Variants in TMEM63B observed in about 807,000 individuals in gnomAD.
The protein encoded by TMEM63B is transmembrane protein 63B, also known as mechanosensitive cation channel TMEM63B.
Under a neutral mutation model 102.6 loss-of-function variants are expected in TMEM63B, and 23 were observed. The ratio of observed to expected loss-of-function variants is 0.22; its 90% confidence interval spans 0.16 to 0.32. TMEM63B has a LOEUF of 0.32. Ranked by LOEUF, TMEM63B falls within the 10% of genes least tolerant of loss-of-function variation. The pLI, the probability that TMEM63B is intolerant of heterozygous loss-of-function variation, is 1.00. For synonymous variants in TMEM63B, 444 were observed against 437.0 expected, an observed-to-expected ratio of 1.02 and a Z score of -0.20; for missense variants, 628 against 1,095.9, an observed-to-expected ratio of 0.57 and a Z score of 6.03.
chr6:44,152,765 T>G lies in TMEM63B; in HGVS notation c.1942+67T>G. On this transcript the variant is annotated intron_variant, in intron 20 of 23. Transcript: ENST00000323267. This position sits in a 1 kb window ranked among gnomAD's most constrained non-coding sequence, Gnocchi z 6.4. Reference sequence around the variant, plus strand: ...ACCCAGGACTTCACCCTCTCCACTCTAGGAATGCAGGCCACCCCGAGTGGA... The same window carrying G: ...ACCCAGGACTTCACCCTCTCCACTCGAGGAATGCAGGCCACCCCGAGTGGA... The G allele has an allele frequency of 1.5e-6, 2 of 1,356,108 alleles. No homozygotes were observed. Among genetic ancestry groups the G allele is most frequent in the Non-Finnish European group, 2.1e-6 (2 of 964,844 alleles). The allele number at this position is 1,356,108 out of a possible 1,614,324, so 84.0% of individuals were successfully genotyped here.
chr6:44,147,274 C>G (rs1765613344), intron 11 of TMEM63B, 103 bp from the exon 12 acceptor site: 1 of 1,577,566 alleles, frequency 6.3e-7, no homozygotes, highest in Non-Finnish European at 8.7e-7. Flanking sequence ...GTATCCTAAA[C>G]AAGAACAAGA....
intron 1 of TMEM63B, among the ~76,000 whole-genome samples, chr6:44,130,147 C>T (rs1002796270): frequency 2.0e-5 from 3 of 152,184 alleles, no homozygotes; most frequent in Admixed American, 6.5e-5. Flanking sequence ...CCTCCGGCTC[C>T]CTGGTGGAAG....
At chr6:44,138,624 C>T (rs985593928) in intron 6 of TMEM63B, 107 bp downstream of exon 6, 35 of 1,325,634 alleles carry the variant, frequency 2.6e-5, no homozygotes, top group South Asian at 8.2e-5. Flanking sequence ...GCACTCCTCG[C>T]CAGCACAGCA....
In TMEM63B at chr6:44,136,577, C is replaced by T. The variant is rs570883285; in HGVS notation, c.369+138C>T. ...TCCTCAGCAAAGAAAGTGATTCAAC[C>T]AAGGAGCCACAGGATGACCCCCCAG... On this transcript the variant is annotated intron_variant, in intron 5 of 23. Transcript: ENST00000323267. 9.0e-6 allele frequency: 6 copies of T among 667,478 alleles called. No individual in the cohort carries two copies. In the East Asian group the frequency reaches 1.4e-4, roughly 15 times the overall value. The allele number at this position is 667,478 out of a possible 1,614,324, so 41.3% of individuals were successfully genotyped here.
At chr6:44,138,778 G>T (rs1012357485) in intron 6 of TMEM63B, 104 of 396,076 alleles carry the variant, frequency 2.6e-4, no homozygotes, top group Admixed American at 8.0e-5. Context: ...CTTGAGGGAG[G>T]GGGTGGAGCC....
At chr6:44,131,684 A>C (rs1778307191) in intron 1 of TMEM63B, among the ~76,000 whole-genome samples, 1 of 151,950 alleles carries the variant, frequency 6.6e-6, no homozygotes, top group East Asian at 1.9e-4. Flanking sequence ...GCGCCACTGC[A>C]CTCCACTCTG....
In TMEM63B at chr6:44,139,575, C is replaced by T. The variant is rs1298700447; in HGVS notation, c.516C>T (p.Ile172=). ...TTGTGGGCGTCCTCTCCGTAGGCAT[C>T]GTGCTGCCTGTCAACTTCTCAGGGG... ...LVVVGVLSVG[I]VLPVNFSGDL... is the part of the protein sequence containing the mutation. Residue 172 remains isoleucine (I), a synonymous_variant, in exon 7 of 24, where the codon ATC becomes ATT. Coordinates refer to ENST00000323267, the MANE Select transcript of TMEM63B (RefSeq NM_018426.3). 23 of 1,614,092 alleles carry T rather than the reference C, an allele frequency of 1.4e-5. No individual in the cohort carries two copies. The highest frequency in any genetic ancestry group is 4.0e-5 in the African/African-American group (3 of 74,926).
intron 2 of TMEM63B, 110 bp from the exon 3 acceptor site, chr6:44,134,907 C>A: frequency 6.7e-7 from 1 of 1,494,056 alleles, no homozygotes; most frequent in Non-Finnish European, 9.2e-7. Flanking sequence ...TTCACCCAAG[C>A]CAGGGTCATC....
Position 44,150,117 on chromosome 6 carries a change from G to A in TMEM63B, c.1521-107G>A. On this transcript the variant is annotated intron_variant, in intron 16 of 23. Coordinates refer to ENST00000323267, the MANE Select transcript of TMEM63B (RefSeq NM_018426.3). This position sits in a 1 kb window ranked among gnomAD's most constrained non-coding sequence, Gnocchi z 4.7. Reference sequence around the variant, plus strand: ...GTGCCCAGCACCCTCACCTTGGGAGGCCCACCCTTCCCAGGGGACACTCCT... The same window carrying A: ...GTGCCCAGCACCCTCACCTTGGGAGACCCACCCTTCCCAGGGGACACTCCT... 1 of 1,357,152 alleles carries A rather than the reference G, an allele frequency of 7.4e-7. No individual in the cohort carries two copies. 84.1% of individuals were successfully genotyped at this position (1,357,152 alleles called of 1,614,324 possible).
chr6:44,140,659 C>G (rs1764053555), intron 9 of TMEM63B: 1 of 574,800 alleles, frequency 1.7e-6, no homozygotes, highest in Non-Finnish European at 3.1e-6. Context: ...ATTCCTTCCC[C>G]TTCTACATGC....
intron 15 of TMEM63B, 101 bp downstream of exon 15, chr6:44,149,046 G>A (rs1446044534): frequency 6.4e-7 from 1 of 1,571,868 alleles, no homozygotes; most frequent in Admixed American, 1.7e-5. Flanking sequence ...CGTTCTGCTT[G>A]TTCCAACCCC....
chr6:44,135,283 G>T, intron 3 of TMEM63B, 45 bp from the exon 4 acceptor site: 1 of 1,598,176 alleles, frequency 6.3e-7, no homozygotes, highest in Non-Finnish European at 8.5e-7. Flanking sequence ...TGTCCCCAGG[G>T]ACTCTCCCCC....
chr6:44,139,892 T>C, intron 8 of TMEM63B, 133 bp downstream of exon 8: 1 of 1,129,668 alleles, frequency 8.9e-7, no homozygotes. Context: ...CCTGAGGGCT[T>C]GGGTTGGAGA....
At chr6:44,141,916 G>A (rs1764344329) in intron 10 of TMEM63B, among the ~76,000 whole-genome samples, 1 of 151,632 alleles carries the variant, frequency 6.6e-6, no homozygotes, top group African/African-American at 2.4e-5. Flanking sequence ...GAGCCCAGGA[G>A]TTGAAGACCA....
chr6:44,140,187 G>A (rs2128237710), intron 8 of TMEM63B, 65 bp from the exon 9 acceptor site: 1 of 1,288,952 alleles, frequency 7.8e-7, no homozygotes, highest in Non-Finnish European at 1.1e-6. Flanking sequence ...CTGACAGGCT[G>A]AGGTGTCTCC....
chr6:44,152,942 C>T lies in TMEM63B; in HGVS notation c.1942+244C>T, dbSNP rs112148269. On this transcript the variant is annotated intron_variant, in intron 20 of 23. Coordinates refer to ENST00000323267, the MANE Select transcript of TMEM63B (RefSeq NM_018426.3). This position sits in a 1 kb window ranked among gnomAD's most constrained non-coding sequence, Gnocchi z 6.4. Reference sequence around the variant, plus strand: ...CCAGGGCAAAGTCACACCAACATGGCCATACTTACCCACACCTGTGCCTTC... The same window carrying T: ...CCAGGGCAAAGTCACACCAACATGGTCATACTTACCCACACCTGTGCCTTC... Among the ~76,000 whole-genome samples, 273 of 152,356 alleles carry T rather than the reference C, an allele frequency of 1.8e-3. 3 individuals carry two copies. The highest frequency in any genetic ancestry group is 6.3e-3 in the African/African-American group (260 of 41,586).
At chr6:44,126,741 T>C (rs896191281), upstream of TMEM63B, among the ~76,000 whole-genome samples, 5 of 152,136 alleles carry the variant, frequency 3.3e-5, no homozygotes, top group Non-Finnish European at 1.5e-5. Context: ...GCCTTTATGA[T>C]CTATTTGTGT....
At position 44,154,608 on chromosome 6, in the gene TMEM63B, C is replaced by T. The variant is rs944754757; in HGVS notation, c.2308-84C>T. On this transcript the variant is annotated intron_variant, in intron 23 of 23. Coordinates refer to ENST00000323267, the MANE Select transcript of TMEM63B (RefSeq NM_018426.3). ...CCCCCGCCCCCCAGGGCCCTGCCCA[C>T]TCTGCTGTCCTACATGCCCTGGTGT... The T allele has an allele frequency of 1.2e-5, 18 of 1,481,766 alleles. No individual in the cohort carries two copies. The African/African-American group carries it at 2.0e-4, about 16-fold the overall frequency. 91.8% of individuals were successfully genotyped at this position (1,481,766 alleles called of 1,614,324 possible).
rs764059300 is a variant in TMEM63B at position 44,152,738 on chromosome 6, G to A, written c.1942+40G>A. On this transcript the variant is annotated intron_variant, in intron 20 of 23. Coordinates refer to ENST00000323267, the MANE Select transcript of TMEM63B (RefSeq NM_018426.3). This position sits in a 1 kb window ranked among gnomAD's most constrained non-coding sequence, Gnocchi z 6.4. ...GCCGGGACCTGGGCCCTGCTCGGGG[G>A]GACCCAGGACTTCACCCTCTCCACT... The A allele has an allele frequency of 2.0e-6, 3 of 1,523,240 alleles. No homozygotes were observed. The highest frequency in any genetic ancestry group is 2.2e-5 in the East Asian group (1 of 44,476). 94.4% of individuals were successfully genotyped at this position (1,523,240 alleles called of 1,614,324 possible). A position where few individuals can be genotyped will look rare whatever the true frequency, so the allele number is the denominator to read the frequency against.
Sources: gnomAD v4.1 joint callset for allele counts (sites outside exome capture counted in the v4.1 genomes callset) on GRCh38, gnomAD v4.1.1 for gene constraint, Gnocchi (gnomAD v3.1) non-coding constraint, MANE v1.5 for transcripts, NCBI Gene and HGNC (gene_info 2026-07-23, HGNC 2026-07-21) for gene names.